PACRG: variants seen among roughly 807,000 people sequenced by gnomAD.
PACRG encodes parkin coregulated.
A neutral mutation model predicts 29.7 loss-of-function variants in PACRG; 29 were observed. That is an observed-to-expected ratio of 0.98 (90% confidence interval 0.73 to 1.33). The LOEUF (loss-of-function observed/expected upper bound fraction) is 1.33. Ranked by LOEUF, PACRG falls within the 40% of genes most tolerant of loss-of-function variation. The pLI, the probability that PACRG is intolerant of heterozygous loss-of-function variation, is 0.00. For missense variants in PACRG, 279 were observed against 316.2 expected, an observed-to-expected ratio of 0.88 and a Z score of 0.89; for synonymous variants, 116 against 118.7, an observed-to-expected ratio of 0.98 and a Z score of 0.15.
At chr6:163,108,392 C>CTTTT (rs528887997) in intron 4 of PACRG, among the ~76,000 whole-genome samples, 130 of 90,512 alleles carry the variant, frequency 1.4e-3, no homozygotes, top group Non-Finnish European at 1.8e-3. Flanking sequence ...TTCTCTTTCC[C>CTTTT]TTTTTTTTTT....
intron 4 of PACRG, among the ~76,000 whole-genome samples, chr6:163,307,213 G>A (rs1785223212): frequency 6.6e-6 from 1 of 152,176 alleles, no homozygotes; most frequent in African/African-American, 2.4e-5. Context: ...CTCTTCAGGT[G>A]ACCAATGGCC....
intron 3 of PACRG, among the ~76,000 whole-genome samples, chr6:163,084,024 C>T (rs1813314237): frequency 6.6e-6 from 1 of 151,996 alleles, no homozygotes; most frequent in African/African-American, 2.4e-5. Flanking sequence ...TTTCCTTATT[C>T]TTCAGCAATT....
At chr6:162,843,920 G>A (rs1446318001) in intron 2 of PACRG, among the ~76,000 whole-genome samples, 2 of 83,480 alleles carry the variant, frequency 2.4e-5, no homozygotes, top group Admixed American at 1.4e-4. Flanking sequence ...GGGGGTCAGG[G>A]GTCAGGGACC....
intron 2 of PACRG, among the ~76,000 whole-genome samples, chr6:162,988,130 A>G (rs1387543145): frequency 6.6e-6 from 1 of 152,190 alleles, no homozygotes; most frequent in Non-Finnish European, 1.5e-5. Flanking sequence ...TTCTTGGAGC[A>G]AAAGTCCATG....
chr6:163,150,756 A>G (rs1157961687), intron 4 of PACRG, among the ~76,000 whole-genome samples: 1 of 152,226 alleles, frequency 6.6e-6, no homozygotes, highest in Non-Finnish European at 1.5e-5. Context: ...GACCAGTGAA[A>G]TCTGGATCCA....
At chr6:162,987,137 T>C (rs73609717) in intron 2 of PACRG, among the ~76,000 whole-genome samples, 8,667 of 152,168 alleles carry the variant, frequency 0.057, 618 homozygotes, top group African/African-American at 0.17. Context: ...TTCTTCTTCT[T>C]TGGGTAGACT....
At chr6:162,766,754 ATTAT>A (rs1398085340) in intron 1 of PACRG, among the ~76,000 whole-genome samples, 134 of 152,244 alleles carry the variant, frequency 8.8e-4, no homozygotes, top group African/African-American at 3.0e-3. Flanking sequence ...GTTGCATAAA[ATTAT>A]TTAATATGTT....
intron 4 of PACRG, among the ~76,000 whole-genome samples, chr6:163,311,614 A>C (rs1173589842): frequency 6.6e-6 from 1 of 152,202 alleles, no homozygotes; most frequent in Non-Finnish European, 1.5e-5. Flanking sequence ...TCATTGTTTC[A>C]GCATGAAAAG....
At chr6:163,276,486 C>CTTCCCTTCTGTTAGAATGA (rs1165778831) in intron 4 of PACRG, among the ~76,000 whole-genome samples, 28 of 152,258 alleles carry the variant, frequency 1.8e-4, no homozygotes, top group African/African-American at 6.7e-4. Flanking sequence ...AGGGACAGAC[C>CTTCCCTTCTGTTAGAATGA]AGCTTCTAAC....
At chr6:162,864,115 A>T (rs73019543) in intron 2 of PACRG, among the ~76,000 whole-genome samples, 5 of 152,018 alleles carry the variant, frequency 3.3e-5, no homozygotes, top group African/African-American at 1.2e-4. Flanking sequence ...TCACCGTCCA[A>T]TAATTATCTT....
chr6:163,031,711 T>C (rs1008875451), intron 2 of PACRG, among the ~76,000 whole-genome samples: 2 of 152,226 alleles, frequency 1.3e-5, no homozygotes, highest in Non-Finnish European at 2.9e-5. Flanking sequence ...TAGATAAGAC[T>C]TTTTTAAAGC....
At chr6:163,205,541 A>G (rs1354602402) in intron 4 of PACRG, among the ~76,000 whole-genome samples, 1 of 152,150 alleles carries the variant, frequency 6.6e-6, no homozygotes, top group Non-Finnish European at 1.5e-5. Context: ...CCTTCCTTAT[A>G]CTGTGCACAA....
In PACRG at chr6:163,141,436, A is replaced by ATG. The variant is rs1404065562; in HGVS notation, c.613+52030_613+52031dup. Among the ~76,000 whole-genome samples, 316 of 99,818 alleles carry ATG rather than the reference A, an allele frequency of 3.2e-3. 4 individuals are homozygous for ATG. Among genetic ancestry groups the ATG allele is most frequent in the Middle Eastern group, 9.7e-3 (2 of 206 alleles). 65.5% of individuals were successfully genotyped at this position (99,818 alleles called of 152,430 possible). On this transcript the variant is annotated intron_variant, in intron 4 of 4. Transcript: ENST00000366888. ...ACTTATGAACTATAGGATTTTTGTAATGTATGTGTTTTTTTTTTTTTTAAA... is the reference window on the plus strand; with the variant it reads ...ACTTATGAACTATAGGATTTTTGTAATGTGTATGTGTTTTTTTTTTTTTTAAA...
intron 3 of PACRG, among the ~76,000 whole-genome samples, chr6:163,068,582 T>G (rs1811761104): frequency 6.6e-6 from 1 of 152,100 alleles, no homozygotes. Flanking sequence ...AACAGTATCT[T>G]CTCTCTGTTT....
chr6:162,742,699 T>A (rs1780693395), intron 1 of PACRG, among the ~76,000 whole-genome samples: 1 of 152,158 alleles, frequency 6.6e-6, no homozygotes, highest in Non-Finnish European at 1.5e-5. Flanking sequence ...AGTATTCCAT[T>A]GTCTATATAT....
chr6:163,232,214 A>G (rs1782072161), intron 4 of PACRG, among the ~76,000 whole-genome samples: 1 of 152,046 alleles, frequency 6.6e-6, no homozygotes, highest in Non-Finnish European at 1.5e-5. Context: ...GATGAAGAGA[A>G]CCCAGGAGAG....
intron 4 of PACRG, among the ~76,000 whole-genome samples, chr6:163,176,492 A>G (rs1409470834): frequency 3.9e-5 from 6 of 152,208 alleles, no homozygotes. Flanking sequence ...GTTTACTCAA[A>G]TATTTATTGA....
intron 2 of PACRG, among the ~76,000 whole-genome samples, chr6:162,819,594 C>CT (rs1198389532): frequency 1.3e-5 from 2 of 152,148 alleles, no homozygotes; most frequent in Non-Finnish European, 2.9e-5. Flanking sequence ...AAGGCGAGAT[C>CT]TTTGTCTGTA....
At chr6:162,997,353 A>T in intron 2 of PACRG, 1 of 442,956 alleles carries the variant, frequency 2.3e-6, no homozygotes, top group Non-Finnish European at 4.5e-6. Context: ...TTATTTGCTT[A>T]TATTAGTCCT....
Sources: gnomAD v4.1 joint callset for allele counts (sites outside exome capture counted in the v4.1 genomes callset) on GRCh38, gnomAD v4.1.1 for gene constraint, MANE v1.5 for transcripts, NCBI Gene and HGNC (gene_info 2026-07-23, HGNC 2026-07-21) for gene names.